SV2C: variants seen among roughly 807,000 people sequenced by gnomAD.
SV2C encodes the protein solute carrier family 22 member B3.
A neutral mutation model predicts 79.7 loss-of-function variants in SV2C; 49 were observed. The observed-to-expected ratio is 0.61, with a 90% CI of 0.49 to 0.78. The LOEUF (loss-of-function observed/expected upper bound fraction) is 0.78. Among genes scored for constraint, SV2C ranks in the 30% least tolerant of loss-of-function variants. SV2C has a pLI of 0.00. For synonymous variants in SV2C, 334 were observed against 333.2 expected, an observed-to-expected ratio of 1.00 and a Z score of -0.03; for missense variants, 833 against 912.9, an observed-to-expected ratio of 0.91 and a Z score of 1.13.
chr5:75,889,387 G>T, the SV2C span, among the ~76,000 whole-genome samples: 2 of 151,896 alleles, frequency 1.3e-5, no homozygotes, highest in African/African-American at 4.8e-5. Flanking sequence ...TGCTAAGAAT[G>T]ATGGCTTCCA....
the SV2C span, among the ~76,000 whole-genome samples, chr5:75,874,645 A>G: frequency 1.3e-5 from 2 of 152,328 alleles, no homozygotes; most frequent in African/African-American, 2.4e-5. Context: ...ATGATTCTGT[A>G]TCTAGAAAAC....
the SV2C span, among the ~76,000 whole-genome samples, chr5:75,912,975 T>C: frequency 6.6e-6 from 1 of 152,106 alleles, no homozygotes; most frequent in African/African-American, 2.4e-5. Context: ...GGAGAGTGTA[T>C]TTGATTTAGA....
chr5:76,313,569 C>T (rs1326192468), intron 12 of SV2C, among the ~76,000 whole-genome samples: 1 of 152,154 alleles, frequency 6.6e-6, no homozygotes, highest in Non-Finnish European at 1.5e-5. Flanking sequence ...GGAAGTCCAT[C>T]TCGCTGTCCT....
At chr5:75,970,007 G>C in the SV2C span, among the ~76,000 whole-genome samples, 1 of 152,030 alleles carries the variant, frequency 6.6e-6, no homozygotes, top group Admixed American at 6.5e-5. Flanking sequence ...CTAGAACTCA[G>C]GATTAAGAAA....
At chr5:76,195,235 A>G in intron 3 of SV2C, 136 bp downstream of exon 3, 1 of 854,920 alleles carries the variant, frequency 1.2e-6, no homozygotes, top group South Asian at 1.8e-5. Context: ...GGAAACCACA[A>G]TGCTGGTTCT....
At chr5:76,157,409 TAA>T (rs1007269954) in intron 2 of SV2C, among the ~76,000 whole-genome samples, 153 of 151,950 alleles carry the variant, frequency 1.0e-3, no homozygotes, top group African/African-American at 3.2e-3. Context: ...CAAGAAATGC[TAA>T]AGTTATTTAG....
chr5:75,887,023 T>C, the SV2C span, among the ~76,000 whole-genome samples: 1 of 152,174 alleles, frequency 6.6e-6, no homozygotes. Flanking sequence ...AGATGCAAGA[T>C]GTAATTTGTC....
the SV2C span, among the ~76,000 whole-genome samples, chr5:75,896,005 A>G: frequency 6.6e-6 from 1 of 152,110 alleles, no homozygotes; most frequent in Non-Finnish European, 1.5e-5. Flanking sequence ...GCACATACAT[A>G]ATTTATGTAT....
Position 76,298,933 on chromosome 5 carries a change from T to C in SV2C, c.1636+6T>C. 1 of 1,613,274 alleles carries C rather than the reference T, an allele frequency of 6.2e-7. No individual in the cohort carries two copies. The highest frequency in any genetic ancestry group is 8.5e-7 in the Non-Finnish European group (1 of 1,179,714). On this transcript the variant is annotated splice_donor_region_variant and intron_variant, in intron 10 of 12. Coordinates refer to ENST00000502798, the MANE Select transcript of SV2C (RefSeq NM_014979.4). ...CACTGTTTTTGACAACACAGGTAGG[T>C]GTGCTACTTAGTACTGCCTCTACCT...
the SV2C span, among the ~76,000 whole-genome samples, chr5:76,013,527 A>G: frequency 1.3e-5 from 2 of 152,182 alleles, no homozygotes; most frequent in Admixed American, 1.3e-4. Flanking sequence ...GGACTTTTCT[A>G]AATATACAAT....
At chr5:76,309,177 A>T (rs1234473283) in intron 12 of SV2C, among the ~76,000 whole-genome samples, 1 of 152,174 alleles carries the variant, frequency 6.6e-6, no homozygotes, top group Non-Finnish European at 1.5e-5. Flanking sequence ...ACTCTTTCAC[A>T]TTGCCTTATT....
chr5:75,885,274 TTTTA>T, the SV2C span, among the ~76,000 whole-genome samples: 1 of 152,126 alleles, frequency 6.6e-6, no homozygotes, highest in Non-Finnish European at 1.5e-5. Context: ...TAACATAATA[TTTTA>T]TTAGCCTCTG....
At chr5:75,910,357 G>A in the SV2C span, 11 of 564,508 alleles carry the variant, frequency 1.9e-5, no homozygotes, top group Middle Eastern at 5.6e-4. Context: ...TATTCCCTAC[G>A]ATGGCCTTCA....
intron 1 of SV2C, among the ~76,000 whole-genome samples, chr5:76,089,238 C>T (rs1359828713): frequency 6.6e-6 from 1 of 152,128 alleles, no homozygotes; most frequent in East Asian, 1.9e-4. Flanking sequence ...TCCATATGTT[C>T]TCATTGTTCA....
At chr5:75,849,940 T>G in the SV2C span, among the ~76,000 whole-genome samples, 1 of 152,140 alleles carries the variant, frequency 6.6e-6, no homozygotes, top group Non-Finnish European at 1.5e-5. Context: ...TAAAATCTCA[T>G]GTTTATAGTT....
At chr5:76,215,344 G>T (rs1419253540) in intron 4 of SV2C, among the ~76,000 whole-genome samples, 1 of 152,130 alleles carries the variant, frequency 6.6e-6, no homozygotes, top group Admixed American at 6.5e-5. Flanking sequence ...AGAATAAGGA[G>T]AACAGTGAGC....
At chr5:76,247,444 G>A (rs565140550) in intron 4 of SV2C, among the ~76,000 whole-genome samples, 27 of 152,336 alleles carry the variant, frequency 1.8e-4, no homozygotes, top group Middle Eastern at 3.4e-3. Flanking sequence ...AGGGATTGAA[G>A]TGGATACTGT....
At chr5:75,976,249 A>G in the SV2C span, among the ~76,000 whole-genome samples, 1 of 152,128 alleles carries the variant, frequency 6.6e-6, no homozygotes, top group Non-Finnish European at 1.5e-5. Context: ...TTTTAAAGAG[A>G]TGTTTTCAGA....
At chr5:76,263,279 T>TTTTTG (rs148143800) in intron 4 of SV2C, among the ~76,000 whole-genome samples, 2 of 151,776 alleles carry the variant, frequency 1.3e-5, no homozygotes, top group African/African-American at 4.8e-5. Flanking sequence ...TTTGTTTTTG[T>TTTTTG]TTTTGTTTTG....
Sources: gnomAD v4.1 joint callset for allele counts (sites outside exome capture counted in the v4.1 genomes callset) on GRCh38, gnomAD v4.1.1 for gene constraint, MANE v1.5 for transcripts, NCBI Gene and HGNC (gene_info 2026-07-23, HGNC 2026-07-21) for gene names.